The following NAF1 variants were observed in gnomAD, a reference collection of about 807,000 sequenced individuals.
NAF1 encodes H/ACA ribonucleoprotein complex non-core subunit NAF1.
Under a neutral mutation model 40.6 loss-of-function variants are expected in NAF1, and 11 were observed. The ratio of observed to expected loss-of-function variants is 0.27; its 90% CI spans 0.17 to 0.45. NAF1 has a LOEUF of 0.45. NAF1 is among the 20% of genes least tolerant of loss of function. The probability of loss-of-function intolerance (pLI) is 1.00; values close to 1 mark genes in which losing one functional copy is unlikely to be tolerated. For synonymous variants in NAF1, 260 were observed against 228.5 expected (o/e 1.14, Z -1.24); for missense variants, 607 against 611.1 (o/e 0.99, Z 0.07).
At chr4:163,152,158 C>T (rs927645034) in intron 2 of NAF1, among the ~76,000 whole-genome samples, 1 of 152,150 alleles carries the variant, frequency 6.6e-6, no homozygotes, top group Non-Finnish European at 1.5e-5. Flanking sequence ...TGTTCCAAAT[C>T]CTAAGCATAA....
chr4:163,155,164 C>T (rs570175597), intron 2 of NAF1, among the ~76,000 whole-genome samples: 6 of 152,310 alleles, frequency 3.9e-5, no homozygotes, highest in Non-Finnish European at 7.3e-5. Flanking sequence ...TCTACTGTAT[C>T]ACTACCAAGC....
downstream of NAF1, among the ~76,000 whole-genome samples, chr4:163,123,641 C>G (rs1160160671): frequency 6.6e-6 from 1 of 152,162 alleles, no homozygotes; most frequent in African/African-American, 2.4e-5. Flanking sequence ...CCTCAGCCTC[C>G]CAAAGTGTTG....
Position 163,148,416 on chromosome 4 carries a change from C to A in NAF1, c.559G>T (p.Glu187Ter). Residue 187 changes from glutamate to a stop codon, truncating the protein, a stop_gained, in exon 3 of 8, where the codon GAA (glutamate) becomes TAA (stop). Transcript: ENST00000274054. LOFTEE classifies it high-confidence loss of function. ...TCTTCAGGCAGAATAATAGTGAGTT[C>A]TTCAACAGAAGGCAGTTCCTATAAT... ...LLLNELPSVE[E>*]LTIILPEDIE... 6.3e-7 allele frequency: 1 copy of A among 1,582,502 alleles called. No homozygotes were observed. Among genetic ancestry groups the A allele is most frequent in the Non-Finnish European group, 8.6e-7 (1 of 1,169,452 alleles).
downstream of NAF1, chr4:163,110,058 A>G (rs1474767105): frequency 2.2e-6 from 1 of 462,876 alleles, no homozygotes; most frequent in African/African-American, 2.0e-5. Flanking sequence ...AGATATGGAG[A>G]ACATTCAGTA....
chr4:163,165,715 A>C (rs1012173005), intron 1 of NAF1, among the ~76,000 whole-genome samples: 8 of 152,188 alleles, frequency 5.3e-5, no homozygotes, highest in Non-Finnish European at 1.2e-4. Flanking sequence ...TGGTTTAGTA[A>C]CATCCCACAT....
intron 2 of NAF1, among the ~76,000 whole-genome samples, chr4:163,121,569 A>G (rs774036310): frequency 6.6e-6 from 1 of 152,190 alleles, no homozygotes; most frequent in Non-Finnish European, 1.5e-5. Flanking sequence ...CTTTTTAAAC[A>G]TTTAGACCTC....
chr4:163,152,888 G>A (rs915316237), intron 2 of NAF1, among the ~76,000 whole-genome samples: 3 of 152,200 alleles, frequency 2.0e-5, no homozygotes, highest in Admixed American at 6.5e-5. Context: ...CGGCGCTTGC[G>A]GGCCAGCTGG....
intron 2 of NAF1, among the ~76,000 whole-genome samples, chr4:163,114,061 A>G (rs1730249314): frequency 6.6e-6 from 1 of 152,218 alleles, no homozygotes; most frequent in African/African-American, 2.4e-5. Context: ...GCATACACCA[A>G]TGTGTGGGAA....
chr4:163,142,108 G>A (rs1207005510), intron 4 of NAF1: 1 of 167,128 alleles, frequency 6.0e-6, no homozygotes, highest in African/African-American at 2.4e-5. Context: ...GCTTTGAAAA[G>A]GTTTAGATAA....
chr4:163,105,096 T>C (rs1730032740), downstream of NAF1, among the ~76,000 whole-genome samples: 1 of 152,202 alleles, frequency 6.6e-6, no homozygotes, highest in South Asian at 2.1e-4. Context: ...AAGTTTCTAT[T>C]GTTGTTCCTG....
chr4:163,145,717 G>T (rs985585248), intron 4 of NAF1, 65 bp downstream of exon 4: 1 of 1,048,860 alleles, frequency 9.5e-7, no homozygotes, highest in Non-Finnish European at 1.4e-6. Context: ...AGAACTGATG[G>T]GGAAAGTCAG....
At chr4:163,108,671 TAATAG>T (rs1184048654), downstream of NAF1, 1 of 152,208 alleles carries the variant, frequency 6.6e-6, no homozygotes. Context: ...TTTATAAAAC[TAATAG>T]AATATGGGTT....
downstream of NAF1, among the ~76,000 whole-genome samples, chr4:163,123,381 T>C (rs964087128): frequency 6.6e-6 from 1 of 152,216 alleles, no homozygotes; most frequent in Admixed American, 6.5e-5. Context: ...TAGCACAGTC[T>C]CAACCCAGTT....
intron 5 of NAF1, 72 bp downstream of exon 5, chr4:163,140,151 A>G: frequency 8.1e-7 from 1 of 1,238,172 alleles, no homozygotes; most frequent in Non-Finnish European, 1.1e-6. Flanking sequence ...GTAAGAAATT[A>G]CATCACTGAG....
At chr4:163,166,327 C>G in intron 1 of NAF1, 36 bp downstream of exon 1, 1 of 1,539,104 alleles carries the variant, frequency 6.5e-7, no homozygotes, top group Non-Finnish European at 8.8e-7. Context: ...CATACAAGAC[C>G]TCTCCCCACA....
rs544429162 is a variant in NAF1, at chr4:163,153,958, A to C, written c.541-5524T>G. Among the ~76,000 whole-genome samples the C allele has an allele frequency of 7.2e-5, 11 of 152,108 alleles. No homozygotes were observed. In the South Asian group the frequency reaches 1.9e-3, roughly 26 times the overall value. On this transcript the variant is annotated intron_variant, in intron 2 of 7. Coordinates refer to ENST00000274054, the MANE Select transcript of NAF1 (RefSeq NM_138386.3). ...CAGCTTCACTCCTGAAGCCAGCGAG[A>C]CCACGAGCCCACTGGGAGGAACAAA...
intron 2 of NAF1, chr4:163,117,434 G>T (rs1344623034): frequency 6.6e-6 from 1 of 151,794 alleles, no homozygotes; most frequent in Non-Finnish European, 1.5e-5. Flanking sequence ...AATTTCACTA[G>T]GTTGGTTCAT....
chr4:163,117,717 A>ACACACACGCG (rs1256653165), intron 2 of NAF1, among the ~76,000 whole-genome samples: 1 of 150,794 alleles, frequency 6.6e-6, no homozygotes, highest in East Asian at 1.9e-4. Context: ...ACACACACAC[A>ACACACACGCG]CGCATGAATA....
chr4:163,125,558 C>G (rs1425458770), downstream of NAF1, among the ~76,000 whole-genome samples: 1 of 152,134 alleles, frequency 6.6e-6, no homozygotes, highest in Non-Finnish European at 1.5e-5. Context: ...AGAGAAACCG[C>G]AGAGGGAAAC....
Sources: allele counts gnomAD v4.1 joint callset (sites outside exome capture counted in the v4.1 genomes callset), GRCh38; gene constraint gnomAD v4.1.1; transcripts MANE v1.5; gene names NCBI Gene and HGNC (gene_info 2026-07-23, HGNC 2026-07-21).